The following FHAD1 variants were observed in gnomAD, a reference collection of about 807,000 sequenced individuals.
FHAD1 encodes the protein forkhead-associated domain-containing protein 1.
FHAD1 carries 146 observed loss-of-function variants against 191.3 expected under a neutral mutation model. That is an observed-to-expected ratio of 0.76 (90% CI 0.67 to 0.88). The LOEUF is 0.88. FHAD1 is among the 40% of genes least tolerant of loss of function. The probability of loss-of-function intolerance (pLI) is 0.00; values close to 1 mark genes in which losing one functional copy is unlikely to be tolerated. For missense variants in FHAD1, 1,635 were observed against 1,785.8 expected (o/e 0.92, Z 1.52); for synonymous variants, 616 against 672.3 (o/e 0.92, Z 1.29).
At chr1:15,307,055 G>A (rs1670718277) in intron 6 of FHAD1, among the ~76,000 whole-genome samples, 1 of 152,202 alleles carries the variant, frequency 6.6e-6, no homozygotes, top group Non-Finnish European at 1.5e-5. Context: ...GTTGTACCCT[G>A]CAAAGCCACA....
At chr1:15,313,222 C>CTAGAGTGAGTA in intron 8 of FHAD1, 35 bp downstream of exon 8, 1 of 1,547,430 alleles carries the variant, frequency 6.5e-7, no homozygotes, top group East Asian at 2.5e-5. Flanking sequence ...TTGTAGCCAT[C>CTAGAGTGAGTA]CGGTGAAAAG....
intron 18 of FHAD1, among the ~76,000 whole-genome samples, chr1:15,346,869 A>G (rs1689107584): frequency 6.6e-6 from 1 of 152,166 alleles, no homozygotes; most frequent in Non-Finnish European, 1.5e-5. Context: ...GCTCAGATCT[A>G]GTGTATAATG....
chr1:15,393,430 G>GCGCACACACACACA (rs148170141), intron 33 of FHAD1, among the ~76,000 whole-genome samples: 8 of 146,742 alleles, frequency 5.5e-5, no homozygotes, highest in African/African-American at 2.0e-4. Context: ...ACACACACAC[G>GCGCACACACACACA]CACACACACA....
intron 20 of FHAD1, 48 bp downstream of exon 20, chr1:15,353,032 G>C (rs1691424302): frequency 7.3e-7 from 1 of 1,371,430 alleles, no homozygotes; most frequent in African/African-American, 1.4e-5. Context: ...GCACAGCGAA[G>C]GGCAGTGCTC....
intron 2 of FHAD1, among the ~76,000 whole-genome samples, chr1:15,267,139 A>C (rs774035623): frequency 6.6e-6 from 1 of 152,240 alleles, no homozygotes; most frequent in Non-Finnish European, 1.5e-5. Flanking sequence ...AGATATACAG[A>C]TGGCAAATAA....
chr1:15,369,351 C>T lies in FHAD1; in HGVS notation c.3315-19C>T. On this transcript the variant is annotated intron_variant, in intron 25 of 33. Coordinates refer to ENST00000688493, the MANE Select transcript of FHAD1 (RefSeq NM_001391957.1). ...GTGGTTTCCAGAACCTCGTGCCATC[C>T]TCCTCTTCTCTACCCTAGGGCTTCC... The T allele has an allele frequency of 1.3e-6, 2 of 1,551,794 alleles. No homozygotes were observed. Among genetic ancestry groups the T allele is most frequent in the South Asian group, 1.2e-5 (1 of 84,042 alleles).
chr1:15,304,237 A>G (rs1163331099), intron 6 of FHAD1, among the ~76,000 whole-genome samples: 2 of 152,254 alleles, frequency 1.3e-5, no homozygotes, highest in East Asian at 1.9e-4. Flanking sequence ...CTGAATTAGT[A>G]TCTTAAAGCA....
chr1:15,291,637 A>G (rs750739169), intron 4 of FHAD1, among the ~76,000 whole-genome samples: 34 of 152,160 alleles, frequency 2.2e-4, no homozygotes, highest in Non-Finnish European at 4.0e-4. Context: ...CCAAAACCCT[A>G]TGCGTTATCT....
At chr1:15,348,077 C>T (rs543108977) in intron 18 of FHAD1, among the ~76,000 whole-genome samples, 34 of 152,328 alleles carry the variant, frequency 2.2e-4, no homozygotes, top group African/African-American at 7.0e-4. Context: ...AAATGTCCTA[C>T]CCTGAAACCC....
chr1:15,292,135 C>CTTCTT (rs934476977), intron 4 of FHAD1, among the ~76,000 whole-genome samples: 23 of 151,380 alleles, frequency 1.5e-4, no homozygotes, highest in Non-Finnish European at 2.7e-4. Context: ...TTCTTCCTTC[C>CTTCTT]TTCTTTTCTT....
At chr1:15,349,536 C>G (rs1484339553) in intron 19 of FHAD1, among the ~76,000 whole-genome samples, 1 of 152,210 alleles carries the variant, frequency 6.6e-6, no homozygotes, top group Non-Finnish European at 1.5e-5. Context: ...GCATCATCCT[C>G]ACAGTAGAGC....
At chr1:15,245,458 T>C (rs1325214451), upstream of FHAD1, among the ~76,000 whole-genome samples, 1 of 152,206 alleles carries the variant, frequency 6.6e-6, no homozygotes, top group Non-Finnish European at 1.5e-5. Context: ...GAAAAGATGA[T>C]ATGTGAGTAA....
At chr1:15,253,804 T>C (rs10927749) in intron 2 of FHAD1, among the ~76,000 whole-genome samples, 57,063 of 152,094 alleles carry the variant, frequency 0.38, 11,581 homozygotes, top group East Asian at 0.56. Context: ...TCTTGAGATG[T>C]TGCATTGGCT....
At chr1:15,309,571 C>T (rs911821411) in intron 7 of FHAD1, among the ~76,000 whole-genome samples, 1 of 152,104 alleles carries the variant, frequency 6.6e-6, no homozygotes, top group African/African-American at 2.4e-5. Context: ...CAAGCTTGTC[C>T]AGCCCACGAC....
intron 4 of FHAD1, among the ~76,000 whole-genome samples, chr1:15,292,473 A>AC (rs1223639074): frequency 6.6e-5 from 10 of 152,230 alleles, no homozygotes; most frequent in African/African-American, 2.4e-4. Context: ...AGCTGGGACT[A>AC]CAGGCGCCCG....
chr1:15,240,722 G>A (rs1230538352), intron 1 of FHAD1, among the ~76,000 whole-genome samples: 1 of 151,764 alleles, frequency 6.6e-6, no homozygotes, highest in Non-Finnish European at 1.5e-5. Context: ...ACTTTGGGAG[G>A]CCGAGGAGGG....
At chr1:15,302,190 G>A (rs1173237253) in intron 6 of FHAD1, among the ~76,000 whole-genome samples, 12 of 152,194 alleles carry the variant, frequency 7.9e-5, no homozygotes, top group Admixed American at 5.2e-4. Context: ...TTCAGTAACC[G>A]CGTCTCACCC....
chr1:15,370,114 C>T (rs1016723217), intron 26 of FHAD1, among the ~76,000 whole-genome samples: 1 of 151,698 alleles, frequency 6.6e-6, no homozygotes, highest in Admixed American at 6.6e-5. Flanking sequence ...GTAGCTGGGA[C>T]TACAGACGCA....
chr1:15,333,106 A>G (rs1015879998), intron 14 of FHAD1, among the ~76,000 whole-genome samples: 1 of 152,174 alleles, frequency 6.6e-6, no homozygotes, highest in Non-Finnish European at 1.5e-5. Flanking sequence ...ATAGAGAATA[A>G]CAGAAAGTTC....
Sources: allele counts gnomAD v4.1 joint callset (sites outside exome capture counted in the v4.1 genomes callset), GRCh38; gene constraint gnomAD v4.1.1; transcripts MANE v1.5; gene names NCBI Gene and HGNC (gene_info 2026-07-23, HGNC 2026-07-21).